The following NCR1 variants were observed in gnomAD, a reference collection of about 807,000 sequenced individuals.
NCR1 encodes NK cell-activating receptor.
In NCR1, 30 loss-of-function variants were observed where a neutral mutation model predicts 32.5. That is an observed-to-expected ratio of 0.92 (90% CI 0.69 to 1.25). The LOEUF is 1.25. Among genes scored for constraint, NCR1 ranks in the 50% most tolerant of loss-of-function variants. The pLI is 0.00. For missense variants in NCR1, 369 were observed against 380.7 expected, an observed-to-expected ratio of 0.97 and a Z score of 0.26; for synonymous variants, 169 against 143.4, an observed-to-expected ratio of 1.18 and a Z score of -1.28.
At chr19:54,918,397 G>A (rs2068177525), downstream of NCR1, among the ~76,000 whole-genome samples, 1 of 151,986 alleles carries the variant, frequency 6.6e-6, no homozygotes. Context: ...GCCTCCCAAA[G>A]TGCTGGCATT....
At chr19:54,910,150 A>C in intron 5 of NCR1, 85 bp downstream of exon 5, 1 of 1,381,322 alleles carries the variant, frequency 7.2e-7, no homozygotes, top group Non-Finnish European at 1.0e-6. Context: ...CAAAATATTC[A>C]TCGAGGCCAG....
At chr19:54,934,562 C>T in the NCR1 span, 2 of 1,614,062 alleles carry the variant, frequency 1.2e-6, no homozygotes, top group Non-Finnish European at 1.7e-6. The surrounding 1 kb of genome is among the most constrained non-coding windows in gnomAD (Gnocchi z 6.7). Context: ...TCCAGGAGCA[C>T]ATTGGCTGAG....
At chr19:54,904,536 T>TC (rs1307394383), upstream of NCR1, among the ~76,000 whole-genome samples, 2 of 134,508 alleles carry the variant, frequency 1.5e-5, no homozygotes, top group African/African-American at 2.7e-5. Context: ...CTTTTCTTTT[T>TC]TTTTTTTTTT....
At chr19:54,931,276 G>A in the NCR1 span, among the ~76,000 whole-genome samples, 12 of 151,472 alleles carry the variant, frequency 7.9e-5, no homozygotes, top group South Asian at 1.9e-3. Context: ...TACAAAAATC[G>A]GGCCGGGCGC....
the NCR1 span, among the ~76,000 whole-genome samples, chr19:54,899,603 C>T: frequency 6.6e-6 from 1 of 151,908 alleles, no homozygotes; most frequent in African/African-American, 2.4e-5. Flanking sequence ...GGGATTCTTG[C>T]CCCCTAGAAA....
the NCR1 span, among the ~76,000 whole-genome samples, chr19:54,931,856 A>AC: frequency 7.3e-6 from 1 of 137,186 alleles, no homozygotes; most frequent in Non-Finnish European, 1.5e-5. Context: ...AAAAAAAAAA[A>AC]AAAACATCCA....
At chr19:54,928,169 C>G in the NCR1 span, among the ~76,000 whole-genome samples, 1 of 151,570 alleles carries the variant, frequency 6.6e-6, no homozygotes, top group African/African-American at 2.4e-5. Flanking sequence ...ACAGTGAGCC[C>G]AGATTGCGCC....
the NCR1 span, among the ~76,000 whole-genome samples, chr19:54,922,113 G>A: frequency 4.6e-5 from 7 of 151,914 alleles, no homozygotes; most frequent in African/African-American, 1.4e-4. Context: ...GGCTGGTCTC[G>A]AACTCCTGAC....
intron 1 of NCR1, 24 bp from the exon 2 acceptor site, chr19:54,906,275 G>A (rs1285650506): frequency 1.2e-6 from 2 of 1,614,052 alleles, no homozygotes; most frequent in Non-Finnish European, 1.7e-6. Flanking sequence ...GGAGGCAACA[G>A]GTCTCATTAC....
At chr19:54,920,234 A>G (rs968218049), downstream of NCR1, among the ~76,000 whole-genome samples, 2 of 152,086 alleles carry the variant, frequency 1.3e-5, no homozygotes, top group African/African-American at 4.8e-5. Context: ...TGAGCCAGCC[A>G]TTCTTAACTG....
At chr19:54,901,157 G>C (rs916917045), upstream of NCR1, among the ~76,000 whole-genome samples, 4 of 145,750 alleles carry the variant, frequency 2.7e-5, no homozygotes, top group South Asian at 8.7e-4. Context: ...GGACGTGGTG[G>C]TGGGCACCTG....
At chr19:54,936,302 A>G in the NCR1 span, 1 of 1,614,006 alleles carries the variant, frequency 6.2e-7, no homozygotes, top group South Asian at 1.1e-5. Context: ...TGAGCAGGTC[A>G]CACAGCATCA....
chr19:54,906,719 C>T lies in NCR1; in HGVS notation c.267C>T (p.Asn89=). 2.5e-6 allele frequency: 4 copies of T among 1,614,236 alleles called. No homozygotes were observed. The highest frequency in any genetic ancestry group is 3.4e-6 in the Non-Finnish European group (4 of 1,180,046). ...TCCAATTCTACATCCCGGACATGAA[C>T]TCCCGCATGGCAGGGCAATACAGCT... is the stretch of plus-strand genomic sequence containing the variant. ...NKVQFYIPDM[N]SRMAGQYSCI... The change falls in exon 3 of 7, where the codon AAC becomes AAT. Residue 89 remains asparagine (N), a synonymous_variant. Coordinates refer to ENST00000291890, the MANE Select transcript of NCR1 (RefSeq NM_004829.7).
At chr19:54,917,171 C>T (rs988959978), downstream of NCR1, among the ~76,000 whole-genome samples, 4 of 151,722 alleles carry the variant, frequency 2.6e-5, no homozygotes, top group African/African-American at 7.3e-5. Context: ...AACAGGTTTG[C>T]AGGCACCTCC....
At chr19:54,913,508 C>T (rs1347251179), downstream of NCR1, among the ~76,000 whole-genome samples, 1 of 152,156 alleles carries the variant, frequency 6.6e-6, no homozygotes, top group Non-Finnish European at 1.5e-5. Context: ...TTTTTTCCTA[C>T]TTTGGTCTTT....
chr19:54,911,911 C>G (rs1370488317), intron 5 of NCR1, among the ~76,000 whole-genome samples: 1 of 147,888 alleles, frequency 6.8e-6, no homozygotes, highest in Non-Finnish European at 1.5e-5. Context: ...CAGTGAGACT[C>G]TATCTCAAAA....
the NCR1 span, among the ~76,000 whole-genome samples, chr19:54,929,691 C>T: frequency 6.6e-6 from 1 of 152,106 alleles, no homozygotes; most frequent in African/African-American, 2.4e-5. Context: ...CACTGGGGGC[C>T]ATTGTTATAT....
At chr19:54,917,950 T>C (rs1405979948), downstream of NCR1, among the ~76,000 whole-genome samples, 1 of 152,046 alleles carries the variant, frequency 6.6e-6, no homozygotes, top group Non-Finnish European at 1.5e-5. Context: ...TTCTTTCTTA[T>C]TGTTTTTATT....
the NCR1 span, chr19:54,930,745 T>C: frequency 6.1e-6 from 7 of 1,147,984 alleles, no homozygotes; most frequent in East Asian, 2.4e-5. Context: ...CAACACTATA[T>C]ACCTTCCACT....
Sources: gnomAD v4.1 joint callset for allele counts (sites outside exome capture counted in the v4.1 genomes callset) on GRCh38, gnomAD v4.1.1 for gene constraint, Gnocchi (gnomAD v3.1) non-coding constraint, MANE v1.5 for transcripts, NCBI Gene and HGNC (gene_info 2026-07-23, HGNC 2026-07-21) for gene names.